The following CTNNA3 variants were observed in gnomAD, a reference collection of about 807,000 sequenced individuals.
CTNNA3 encodes the protein catenin alpha 3.
A neutral mutation model predicts 95.7 loss-of-function variants in CTNNA3; 76 were observed. The observed-to-expected ratio is 0.79, with a 90% CI of 0.66 to 0.96. The LOEUF (loss-of-function observed/expected upper bound fraction) is 0.96. Ranked by LOEUF, CTNNA3 falls within the 40% of genes least tolerant of loss-of-function variation. CTNNA3 has a pLI of 0.00. For synonymous variants in CTNNA3, 431 were observed against 374.4 expected (o/e 1.15, Z -1.74); for missense variants, 1,191 against 1,089.8 (o/e 1.09, Z -1.31).
rs527679536 is a variant in CTNNA3, at chr10:67,633,547, T to C, written c.99+13868A>G. ...AAGAAGGAGCAGGCTGCTGTCTTTGTTGTTTCACAGCCTTCACTGGTGATA... is the reference window on the plus strand; with the variant it reads ...AAGAAGGAGCAGGCTGCTGTCTTTGCTGTTTCACAGCCTTCACTGGTGATA... On this transcript the variant is annotated intron_variant, in intron 2 of 17. Transcript: ENST00000433211. Among the ~76,000 whole-genome samples the C allele has an allele frequency of 4.0e-3, 608 of 152,256 alleles. 4 individuals carry two copies. The highest frequency in any genetic ancestry group is 7.3e-3 in the Non-Finnish European group (498 of 67,994).
chr10:66,457,951 G>T (rs1241759574), intron 11 of CTNNA3, among the ~76,000 whole-genome samples: 1 of 152,084 alleles, frequency 6.6e-6, no homozygotes, highest in African/African-American at 2.4e-5. Context: ...ATAGGTAGAG[G>T]GGGTAGGCTC....
chr10:67,117,446 T>A (rs890689648), intron 7 of CTNNA3, among the ~76,000 whole-genome samples: 7 of 151,968 alleles, frequency 4.6e-5, no homozygotes, highest in Non-Finnish European at 2.9e-5. Flanking sequence ...GAGTTGGGAC[T>A]CACAAAAAGA....
intron 5 of CTNNA3, among the ~76,000 whole-genome samples, chr10:67,252,015 G>A (rs752189668): frequency 2.8e-4 from 43 of 152,118 alleles, no homozygotes; most frequent in Middle Eastern, 3.4e-3. Flanking sequence ...TTTGAGACCA[G>A]CCTGGCCAAC....
intron 13 of CTNNA3, among the ~76,000 whole-genome samples, chr10:66,156,614 G>A (rs2084520073): frequency 1.3e-5 from 2 of 151,060 alleles, no homozygotes; most frequent in South Asian, 2.1e-4. Flanking sequence ...GTCAAGTGGT[G>A]AAAATGAAGG....
At chr10:66,796,455 A>G (rs1466096834) in intron 7 of CTNNA3, among the ~76,000 whole-genome samples, 3 of 152,060 alleles carry the variant, frequency 2.0e-5, no homozygotes, top group East Asian at 3.9e-4. Context: ...GACAATAACA[A>G]TAGTAAAATA....
chr10:67,640,943 G>T (rs1307646858), intron 2 of CTNNA3, among the ~76,000 whole-genome samples: 3 of 152,050 alleles, frequency 2.0e-5, no homozygotes, highest in Non-Finnish European at 4.4e-5. Context: ...ACATAGGCAT[G>T]GGCAAGGACT....
rs186722038 is a variant in CTNNA3 at position 67,491,056 on chromosome 10, A to G, written c.579+30786T>C. Among the ~76,000 whole-genome samples, 538 of 152,254 alleles carry G rather than the reference A, an allele frequency of 3.5e-3. 6 individuals are homozygous for G. Among genetic ancestry groups the G allele is most frequent in the Non-Finnish European group, 6.4e-3 (433 of 68,004 alleles). On this transcript the variant is annotated intron_variant, in intron 5 of 17. Transcript: ENST00000433211. ...ATTCTAAAAAGAAAAAAAAACTAAT[A>G]TGACAGGAAAACAGAAATAAAAATT...
chr10:67,761,636 T>C (rs1841461884), intron 1 of CTNNA3, among the ~76,000 whole-genome samples: 1 of 152,108 alleles, frequency 6.6e-6, no homozygotes, highest in Non-Finnish European at 1.5e-5. Context: ...CTCAGCACTT[T>C]GGGAGGCCGA....
At chr10:66,707,547 A>C (rs1236187880) in intron 9 of CTNNA3, among the ~76,000 whole-genome samples, 1 of 152,100 alleles carries the variant, frequency 6.6e-6, no homozygotes, top group Non-Finnish European at 1.5e-5. Flanking sequence ...TAATTGTAGG[A>C]ATCCATAAAT....
intron 1 of CTNNA3, among the ~76,000 whole-genome samples, chr10:67,690,779 G>C (rs1840830167): frequency 6.6e-6 from 1 of 152,198 alleles, no homozygotes; most frequent in Admixed American, 6.5e-5. Context: ...TCAAACTGCA[G>C]GTCTGCGATG....
intron 9 of CTNNA3, among the ~76,000 whole-genome samples, chr10:66,645,654 C>T (rs1845682725): frequency 6.6e-6 from 1 of 152,152 alleles, no homozygotes; most frequent in South Asian, 2.1e-4. Flanking sequence ...ACTTTACTGC[C>T]TGATCTTTGC....
chr10:67,084,247 T>C (rs1173595524), intron 7 of CTNNA3, among the ~76,000 whole-genome samples: 1 of 151,310 alleles, frequency 6.6e-6, no homozygotes, highest in Non-Finnish European at 1.5e-5. Flanking sequence ...CCTCAAATGG[T>C]TGGCAAAAAT....
At chr10:66,848,298 G>T (rs548626165) in intron 7 of CTNNA3, among the ~76,000 whole-genome samples, 35 of 152,286 alleles carry the variant, frequency 2.3e-4, no homozygotes, top group African/African-American at 6.3e-4. Context: ...GCCCAGGCAA[G>T]TTCAAGTTTG....
intron 11 of CTNNA3, among the ~76,000 whole-genome samples, chr10:66,482,317 G>T (rs561289650): frequency 6.6e-6 from 1 of 152,200 alleles, no homozygotes; most frequent in African/African-American, 2.4e-5. Flanking sequence ...AATGTAAATT[G>T]AGTATGACTA....
chr10:66,873,813 A>G (rs928344632), intron 7 of CTNNA3, among the ~76,000 whole-genome samples: 1 of 152,174 alleles, frequency 6.6e-6, no homozygotes, highest in African/African-American at 2.4e-5. Flanking sequence ...AAAATCTAGA[A>G]GAAAACCTAG....
intron 15 of CTNNA3, among the ~76,000 whole-genome samples, chr10:66,003,660 A>AT (rs1185791965): frequency 1.3e-5 from 2 of 152,126 alleles, no homozygotes; most frequent in Non-Finnish European, 2.9e-5. Context: ...AATAATTTTG[A>AT]TTTTTGTCTT....
chr10:66,495,651 T>A (rs944539580), intron 11 of CTNNA3, among the ~76,000 whole-genome samples: 3 of 152,120 alleles, frequency 2.0e-5, no homozygotes, highest in Non-Finnish European at 4.4e-5. Flanking sequence ...GGTGTTGTTG[T>A]TGTTGTTGTT....
At chr10:67,152,513 T>C (rs1474770089) in intron 7 of CTNNA3, among the ~76,000 whole-genome samples, 1 of 152,192 alleles carries the variant, frequency 6.6e-6, no homozygotes, top group African/African-American at 2.4e-5. Context: ...ATGAAATGCA[T>C]ATAAAGATGG....
At chr10:66,385,399 T>C (rs1393973246) in intron 11 of CTNNA3, among the ~76,000 whole-genome samples, 2 of 152,072 alleles carry the variant, frequency 1.3e-5, no homozygotes, top group Non-Finnish European at 2.9e-5. Flanking sequence ...AGGAAGAAGT[T>C]GAATCTCTGA....
Sources: allele counts gnomAD v4.1 joint callset (sites outside exome capture counted in the v4.1 genomes callset), GRCh38; gene constraint gnomAD v4.1.1; transcripts MANE v1.5; gene names NCBI Gene and HGNC (gene_info 2026-07-23, HGNC 2026-07-21).